Variants in GABRB1 observed in about 807,000 individuals in gnomAD.
GABRB1 encodes the protein gamma-aminobutyric acid type A receptor subunit beta1.
GABRB1 carries 17 observed loss-of-function variants against 51.6 expected under a neutral mutation model. The ratio of observed to expected loss-of-function variants is 0.33; its 90% CI spans 0.23 to 0.49. The LOEUF is 0.49. Ranked by LOEUF, GABRB1 falls within the 20% of genes least tolerant of loss-of-function variation. The probability of loss-of-function intolerance (pLI) is 0.99; values close to 1 mark genes in which losing one functional copy is unlikely to be tolerated. For missense variants in GABRB1, 410 were observed against 600.6 expected, an observed-to-expected ratio of 0.68 and a Z score of 3.32; for synonymous variants, 247 against 218.9, an observed-to-expected ratio of 1.13 and a Z score of -1.14.
At chr4:47,296,124 G>T (rs1723981857) in intron 4 of GABRB1, among the ~76,000 whole-genome samples, 1 of 152,090 alleles carries the variant, frequency 6.6e-6, no homozygotes, top group African/African-American at 2.4e-5. Flanking sequence ...AACATGGAAA[G>T]GAAAAACCAG....
intron 5 of GABRB1, among the ~76,000 whole-genome samples, chr4:47,367,939 C>G (rs545266357): frequency 7.4e-4 from 112 of 152,256 alleles, no homozygotes; most frequent in African/African-American, 2.6e-3. Flanking sequence ...TCACATGAAA[C>G]AAAGGAAAAG....
At chr4:47,124,667 T>A (rs1716031733) in intron 3 of GABRB1, among the ~76,000 whole-genome samples, 2 of 151,920 alleles carry the variant, frequency 1.3e-5, no homozygotes, top group African/African-American at 2.4e-5. Flanking sequence ...GAAATAGAAA[T>A]TGCAGAAAAG....
At chr4:47,298,085 G>A (rs996064901) in intron 4 of GABRB1, among the ~76,000 whole-genome samples, 27 of 152,156 alleles carry the variant, frequency 1.8e-4, no homozygotes, top group Middle Eastern at 3.4e-3. Flanking sequence ...TTGATGGGAC[G>A]TATCTCAAAA....
At chr4:47,246,605 C>T (rs985289162) in intron 4 of GABRB1, among the ~76,000 whole-genome samples, 2 of 151,304 alleles carry the variant, frequency 1.3e-5, no homozygotes, top group Non-Finnish European at 3.0e-5. Flanking sequence ...AATCTTCACA[C>T]TGTTTTCCAC....
chr4:47,022,593 CAAT>C, intron 1 of GABRB1, among the ~76,000 whole-genome samples: 1 of 151,928 alleles, frequency 6.6e-6, no homozygotes, highest in African/African-American at 2.4e-5. Flanking sequence ...ATCAAAATGA[CAAT>C]GAGATGTCAT....
At chr4:47,137,918 A>G (rs1252027254) in intron 3 of GABRB1, among the ~76,000 whole-genome samples, 1 of 152,160 alleles carries the variant, frequency 6.6e-6, no homozygotes, top group Non-Finnish European at 1.5e-5. Flanking sequence ...TACAAATAGA[A>G]GTAGAAATAT....
At chr4:47,033,520 G>A (rs1225185886) in intron 3 of GABRB1, among the ~76,000 whole-genome samples, 1 of 152,162 alleles carries the variant, frequency 6.6e-6, no homozygotes, top group East Asian at 1.9e-4. Context: ...AAATGTTATG[G>A]CGGCAGAAAT....
chr4:47,376,629 T>A (rs531362432), intron 5 of GABRB1, among the ~76,000 whole-genome samples: 14 of 152,190 alleles, frequency 9.2e-5, no homozygotes, highest in South Asian at 4.2e-4. Flanking sequence ...CCTGGGCGAC[T>A]GAGCGAGACT....
At chr4:47,261,767 G>A (rs1012439738) in intron 4 of GABRB1, among the ~76,000 whole-genome samples, 3 of 152,110 alleles carry the variant, frequency 2.0e-5, no homozygotes, top group Non-Finnish European at 2.9e-5. Context: ...AAAGCTGGAG[G>A]CATCACGCTA....
intron 3 of GABRB1, among the ~76,000 whole-genome samples, chr4:47,088,264 T>G (rs541694668): frequency 6.6e-6 from 1 of 152,196 alleles, no homozygotes; most frequent in East Asian, 1.9e-4. Context: ...GAATCACACA[T>G]AATCCCTGCC....
At chr4:47,295,804 T>A (rs1485431792) in intron 4 of GABRB1, among the ~76,000 whole-genome samples, 1 of 152,066 alleles carries the variant, frequency 6.6e-6, no homozygotes, top group African/African-American at 2.4e-5. Context: ...GACACATAAT[T>A]GTCAGATTCA....
At chr4:47,299,185 A>T (rs968597389) in intron 4 of GABRB1, among the ~76,000 whole-genome samples, 14 of 152,212 alleles carry the variant, frequency 9.2e-5, no homozygotes, top group African/African-American at 3.1e-4. Context: ...ATGGGCAAGG[A>T]CTTCATGTCT....
At chr4:47,238,563 A>G (rs1220807837) in intron 4 of GABRB1, among the ~76,000 whole-genome samples, 1 of 152,188 alleles carries the variant, frequency 6.6e-6, no homozygotes, top group Non-Finnish European at 1.5e-5. Context: ...TGGCATTCAA[A>G]CATGCTCGGA....
chr4:47,397,176 T>C (rs1728204177), intron 5 of GABRB1, among the ~76,000 whole-genome samples: 1 of 152,206 alleles, frequency 6.6e-6, no homozygotes, highest in South Asian at 2.1e-4. Context: ...ACTTATGAAT[T>C]ATTTGTTAGA....
At chr4:47,093,124 A>C (rs1023536698) in intron 3 of GABRB1, among the ~76,000 whole-genome samples, 2 of 152,162 alleles carry the variant, frequency 1.3e-5, no homozygotes, top group Non-Finnish European at 2.9e-5. Context: ...ATTTCCCTAA[A>C]AGATTCATGT....
chr4:47,022,673 G>C (rs1021835437), intron 1 of GABRB1, among the ~76,000 whole-genome samples: 2 of 152,030 alleles, frequency 1.3e-5, no homozygotes, highest in Non-Finnish European at 1.5e-5. Context: ...AGGATGTGGA[G>C]AAAAGAGAAC....
At chr4:47,155,882 T>A (rs1717669253) in intron 3 of GABRB1, among the ~76,000 whole-genome samples, 1 of 134,484 alleles carries the variant, frequency 7.4e-6, no homozygotes, top group East Asian at 2.1e-4. Context: ...AAAACATTTT[T>A]AAATCTTTTA....
chr4:47,032,162 C>CA, intron 2 of GABRB1, among the ~76,000 whole-genome samples, 157 bp downstream of exon 2: 1 of 96,806 alleles, frequency 1.0e-5, no homozygotes, highest in African/African-American at 4.4e-5. Context: ...ACACACACAC[C>CA]CCGGGTCCCC....
At chr4:47,333,377 G>A (rs1725574767) in intron 5 of GABRB1, among the ~76,000 whole-genome samples, 1 of 151,732 alleles carries the variant, frequency 6.6e-6, no homozygotes, top group Non-Finnish European at 1.5e-5. Flanking sequence ...AAGAAATAAA[G>A]CAAGTTAAAA....
Sources: allele counts gnomAD v4.1 joint callset (sites outside exome capture counted in the v4.1 genomes callset), GRCh38; gene constraint gnomAD v4.1.1; transcripts MANE v1.5; gene names NCBI Gene and HGNC (gene_info 2026-07-23, HGNC 2026-07-21).